SPPL3: variants seen among roughly 807,000 people sequenced by gnomAD.
SPPL3 encodes the protein signal peptide peptidase-like 3.
SPPL3 carries 5 observed loss-of-function variants against 42.4 expected under a neutral mutation model. The observed-to-expected ratio is 0.12, with a 90% CI of 0.06 to 0.25. SPPL3 has a LOEUF of 0.25. SPPL3 is among the 10% of genes least tolerant of loss of function. The pLI, the probability that SPPL3 is intolerant of heterozygous loss-of-function variation, is 1.00. For missense variants in SPPL3, 235 were observed against 489.0 expected, an observed-to-expected ratio of 0.48 and a Z score of 4.90; for synonymous variants, 195 against 181.8, an observed-to-expected ratio of 1.07 and a Z score of -0.58.
At chr12:120,873,998 A>G (rs899999867) in intron 1 of SPPL3, among the ~76,000 whole-genome samples, 1 of 152,164 alleles carries the variant, frequency 6.6e-6, no homozygotes, top group Non-Finnish European at 1.5e-5. Context: ...AGTGATACAT[A>G]GTTTTCAAAT....
chr12:120,874,980 G>A (rs1282006661), intron 1 of SPPL3, among the ~76,000 whole-genome samples: 1 of 152,070 alleles, frequency 6.6e-6, no homozygotes, highest in African/African-American at 2.4e-5. Context: ...GAAAATTTAG[G>A]CCACATAAAA....
At position 120,765,060 on chromosome 12, in the gene SPPL3, C is replaced by T. The variant is rs1377944618; in HGVS notation, c.1094G>A (p.Arg365Gln). 10 of 1,613,496 alleles carry T rather than the reference C, an allele frequency of 6.2e-6. No homozygotes were observed. Among genetic ancestry groups the T allele is most frequent in the Middle Eastern group, 1.6e-4 (1 of 6,062 alleles). The change falls in exon 11 of 11, where the codon CGG (arginine) becomes CAG (glutamine). Residue 365 changes from arginine (R) to glutamine (Q), a missense_variant. Physicochemically the swap from Arg to Gln is conservative, Grantham distance 43. This residue lies in a region of SPPL3 where 38 missense variants were observed against 105.2 expected (regional missense o/e 0.36). Coordinates refer to ENST00000353487, the MANE Select transcript of SPPL3 (RefSeq NM_139015.5). Reference sequence around the variant, plus strand: ...GTGGAAAGGCTCAGACCACATCCGCCGGAGGTCGCCCTGGGAAACAAGGGA... The same window carrying T: ...GTGGAAAGGCTCAGACCACATCCGCTGGAGGTCGCCCTGGGAAACAAGGGA... ...LTMAYLKGDL[R>Q]RMWSEPFHSK...
intron 1 of SPPL3, among the ~76,000 whole-genome samples, chr12:120,828,449 T>C (rs1300219362): frequency 2.0e-5 from 3 of 151,348 alleles, no homozygotes; most frequent in South Asian, 2.1e-4. Flanking sequence ...TCAAATCAAA[T>C]AGAAGGAAGG....
intron 1 of SPPL3, among the ~76,000 whole-genome samples, chr12:120,843,532 C>T (rs985818779): frequency 1.3e-5 from 2 of 152,250 alleles, no homozygotes; most frequent in African/African-American, 4.8e-5. Flanking sequence ...TCCCACCTCA[C>T]TGGCTGTTCC....
intron 3 of SPPL3, among the ~76,000 whole-genome samples, chr12:120,786,216 T>C (rs549084016): frequency 6.6e-6 from 1 of 152,330 alleles, no homozygotes; most frequent in Admixed American, 6.5e-5. Context: ...TTGGAAGCAG[T>C]CTGTCCTGAC....
intron 6 of SPPL3, among the ~76,000 whole-genome samples, chr12:120,782,039 A>C (rs2136977882): frequency 6.6e-6 from 1 of 151,836 alleles, no homozygotes; most frequent in East Asian, 1.9e-4. Context: ...TGCCCAGATG[A>C]TTTTTATTTT....
At chr12:120,791,037 C>T (rs903291058) in intron 3 of SPPL3, among the ~76,000 whole-genome samples, 1 of 152,094 alleles carries the variant, frequency 6.6e-6, no homozygotes, top group Non-Finnish European at 1.5e-5. Flanking sequence ...TCAAGCTGAT[C>T]TTGAACTCCC....
In SPPL3 at chr12:120,790,236, CATT is replaced by C. The variant is rs1270293959; in HGVS notation, c.190+1230_190+1232del. 3.3e-5 allele frequency among the ~76,000 whole-genome samples: 5 copies of C among 152,310 alleles called. No homozygotes were observed. The South Asian group carries it at 1.0e-3, about 32-fold the overall frequency. ...CATGTCATAAATTTAAGAAAAGACT[CATT>C]ATATTTAAATGAGTCGACTTACCGT... On this transcript the variant is annotated intron_variant, in intron 3 of 10. Transcript: ENST00000353487.
chr12:120,820,918 T>G (rs1195201290), intron 1 of SPPL3, among the ~76,000 whole-genome samples: 1 of 151,924 alleles, frequency 6.6e-6, no homozygotes, highest in Non-Finnish European at 1.5e-5. Context: ...CATATGGAGA[T>G]CCCACCTCCA....
At chr12:120,782,858 T>C in intron 5 of SPPL3, 91 bp from the exon 6 acceptor site, 3 of 896,798 alleles carry the variant, frequency 3.3e-6, no homozygotes, top group East Asian at 2.7e-5. Flanking sequence ...TGGATTAGAA[T>C]AGCAGATAAT....
chr12:120,881,571 C>A (rs1228885651), intron 1 of SPPL3, among the ~76,000 whole-genome samples: 1 of 145,162 alleles, frequency 6.9e-6, no homozygotes, highest in African/African-American at 2.6e-5. Context: ...TCCAAAAGAA[C>A]TGAAAGCAGG....
At chr12:120,801,051 C>T (rs1870277121) in intron 2 of SPPL3, among the ~76,000 whole-genome samples, 1 of 152,122 alleles carries the variant, frequency 6.6e-6, no homozygotes, top group South Asian at 2.1e-4. Context: ...TTCAGAAGGG[C>T]TGGAAATACA....
chr12:120,888,721 T>C (rs1025570900), intron 1 of SPPL3, among the ~76,000 whole-genome samples: 1 of 152,226 alleles, frequency 6.6e-6, no homozygotes, highest in Admixed American at 6.5e-5. Flanking sequence ...AAAATGATTG[T>C]GGTGACGACT....
At chr12:120,839,647 T>C (rs1255247242) in intron 1 of SPPL3, among the ~76,000 whole-genome samples, 1 of 152,204 alleles carries the variant, frequency 6.6e-6, no homozygotes, top group African/African-American at 2.4e-5. Context: ...TTTTTCAGTA[T>C]GTATGTACAT....
intron 1 of SPPL3, among the ~76,000 whole-genome samples, chr12:120,815,272 G>T (rs1249909675): frequency 3.9e-5 from 6 of 152,188 alleles, no homozygotes; most frequent in African/African-American, 1.4e-4. Context: ...ACTTTCCAAA[G>T]TGAGTATTGT....
At chr12:120,796,043 T>C (rs1441700127) in intron 2 of SPPL3, among the ~76,000 whole-genome samples, 2 of 152,226 alleles carry the variant, frequency 1.3e-5, no homozygotes, top group African/African-American at 4.8e-5. Context: ...CAGACATTGT[T>C]GTCTTCATTT....
chr12:120,767,352 A>T (rs1359054291), intron 9 of SPPL3, 42 bp downstream of exon 9: 8 of 1,587,966 alleles, frequency 5.0e-6, no homozygotes, highest in Admixed American at 1.7e-5. Flanking sequence ...GTTGGAGGAC[A>T]GCCAGAGCGA....
chr12:120,836,144 T>C (rs913899970), intron 1 of SPPL3, among the ~76,000 whole-genome samples: 1 of 152,046 alleles, frequency 6.6e-6, no homozygotes, highest in Non-Finnish European at 1.5e-5. Context: ...ATGCCTCTCA[T>C]CTCTGCATAT....
intron 1 of SPPL3, chr12:120,845,271 C>A: frequency 2.7e-6 from 1 of 371,272 alleles, no homozygotes. Context: ...TGGAGAGGTC[C>A]TGCTTGTTGG....
Sources: gnomAD v4.1 joint callset for allele counts (sites outside exome capture counted in the v4.1 genomes callset) on GRCh38, gnomAD v4.1.1 for gene constraint, gnomAD v4.1.1 regional missense constraint, MANE v1.5 for transcripts, NCBI Gene and HGNC (gene_info 2026-07-23, HGNC 2026-07-21) for gene names.